SEZ6L: variants seen among roughly 807,000 people sequenced by gnomAD.
SEZ6L encodes seizure 6-like protein.
A neutral mutation model predicts 106.2 loss-of-function variants in SEZ6L; 37 were observed. That is an observed-to-expected ratio of 0.35 (90% CI 0.27 to 0.46). The LOEUF (loss-of-function observed/expected upper bound fraction) is 0.46. Among genes scored for constraint, SEZ6L ranks in the 20% least tolerant of loss-of-function variants. The pLI, the probability that SEZ6L is intolerant of heterozygous loss-of-function variation, is 1.00. For missense variants in SEZ6L, 1,172 were observed against 1,332.8 expected, an observed-to-expected ratio of 0.88 and a Z score of 1.88; for synonymous variants, 541 against 570.4, an observed-to-expected ratio of 0.95 and a Z score of 0.73.
At chr22:26,238,637 G>C (rs886664451) in intron 1 of SEZ6L, among the ~76,000 whole-genome samples, 5 of 152,122 alleles carry the variant, frequency 3.3e-5, no homozygotes, top group African/African-American at 7.2e-5. Flanking sequence ...TGTTTTTTGG[G>C]CACCAACAAT....
chr22:26,251,652 T>C (rs551419380), intron 1 of SEZ6L, among the ~76,000 whole-genome samples: 10 of 152,304 alleles, frequency 6.6e-5, no homozygotes, highest in African/African-American at 2.2e-4. Flanking sequence ...GGGGGATCCT[T>C]GCTAAGGCAG....
intron 16 of SEZ6L, 69 bp from the exon 17 acceptor site, chr22:26,380,197 C>T (rs2084370073): frequency 3.4e-6 from 5 of 1,464,926 alleles, no homozygotes; most frequent in Middle Eastern, 1.7e-4. Flanking sequence ...GTGCAAAGAA[C>T]TGCATCCCCC....
At chr22:26,325,552 C>T (rs2082280773) in intron 9 of SEZ6L, among the ~76,000 whole-genome samples, 1 of 152,184 alleles carries the variant, frequency 6.6e-6, no homozygotes. Context: ...TCTTTCCCTA[C>T]ATGATGCTTT....
intron 9 of SEZ6L, among the ~76,000 whole-genome samples, chr22:26,332,775 T>A (rs113647849): frequency 0.01 from 1,570 of 152,334 alleles, 24 homozygotes; most frequent in Middle Eastern, 0.034. Flanking sequence ...TGTGTTTTTT[T>A]ATTCATGTTT....
intron 1 of SEZ6L, among the ~76,000 whole-genome samples, chr22:26,214,938 A>C (rs2078258087): frequency 6.9e-6 from 1 of 145,786 alleles, no homozygotes; most frequent in Non-Finnish European, 1.5e-5. Context: ...GGCATATGAC[A>C]AAAAAAAATG....
rs143157459 is a variant in SEZ6L at position 26,246,572 on chromosome 22, G to GAA, written c.95-45825_95-45824dup. On this transcript the variant is annotated intron_variant, in intron 1 of 16. Transcript: ENST00000248933. ...TTTTTTTACTCACCAATGCCCAAAG[G>GAA]AAAAAAAAAAGGTATTTCCAAGTAC... Among the ~76,000 whole-genome samples, 30 of 144,198 alleles carry GAA rather than the reference G, an allele frequency of 2.1e-4. 1 individual carries two copies. Among genetic ancestry groups the GAA allele is most frequent in the East Asian group, 1.6e-3 (8 of 4,998 alleles). 94.6% of individuals were successfully genotyped at this position (144,198 alleles called of 152,430 possible). A position where few individuals can be genotyped will look rare whatever the true frequency, so the allele number is the denominator to read the frequency against.
chr22:26,261,464 C>A (rs1377641630), intron 1 of SEZ6L, among the ~76,000 whole-genome samples: 1 of 152,180 alleles, frequency 6.6e-6, no homozygotes, highest in Non-Finnish European at 1.5e-5. Context: ...TGCCAATCAT[C>A]CCAGCGCCAT....
At chr22:26,309,116 T>G (rs1343766447) in intron 6 of SEZ6L, among the ~76,000 whole-genome samples, 1 of 152,234 alleles carries the variant, frequency 6.6e-6, no homozygotes, top group Non-Finnish European at 1.5e-5. Context: ...ACTATTTTTA[T>G]GAGTCAGTAA....
At chr22:26,269,192 G>T (rs2080282789) in intron 1 of SEZ6L, among the ~76,000 whole-genome samples, 1 of 152,208 alleles carries the variant, frequency 6.6e-6, no homozygotes, top group Non-Finnish European at 1.5e-5. Context: ...GTTCTTAAAT[G>T]TTAATAGGCT....
intron 1 of SEZ6L, among the ~76,000 whole-genome samples, chr22:26,178,636 A>G (rs1028137020): frequency 4.6e-5 from 7 of 152,164 alleles, no homozygotes; most frequent in African/African-American, 1.7e-4. Flanking sequence ...GGTCTCACCT[A>G]TTCCCAGTTT....
intron 1 of SEZ6L, among the ~76,000 whole-genome samples, chr22:26,255,896 T>TA (rs1178282681): frequency 6.6e-6 from 1 of 152,230 alleles, no homozygotes; most frequent in Admixed American, 6.5e-5. Flanking sequence ...TCATCCCATT[T>TA]AAAATCATTG....
At chr22:26,244,163 A>AAAAGAAAGAAAGAAAGAAAG (rs147675419) in intron 1 of SEZ6L, among the ~76,000 whole-genome samples, 2,378 of 149,558 alleles carry the variant, frequency 0.016, 29 homozygotes, top group East Asian at 0.031. Context: ...ACCCTATCTC[A>AAAAGAAAGAAAGAAAGAAAG]AAAGAAAGAA....
intron 1 of SEZ6L, among the ~76,000 whole-genome samples, chr22:26,261,226 T>C (rs9620600): frequency 0.12 from 18,935 of 152,248 alleles, 1,308 homozygotes; most frequent in Middle Eastern, 0.21. Flanking sequence ...GAGCAGAAGC[T>C]CTTTAGTTTA....
chr22:26,372,940 T>C (rs1159525613), intron 13 of SEZ6L, among the ~76,000 whole-genome samples: 1 of 152,198 alleles, frequency 6.6e-6, no homozygotes, highest in Non-Finnish European at 1.5e-5. Context: ...TCATTCGTGC[T>C]TTGCCCCACA....
At position 26,205,008 on chromosome 22, in the gene SEZ6L, A is replaced by G. The variant is rs5761401; in HGVS notation, c.94+35245A>G. Among the ~76,000 whole-genome samples, 500 of 152,354 alleles carry G rather than the reference A, an allele frequency of 3.3e-3. 12 individuals are homozygous for G. The South Asian group carries it at 0.064, about 19-fold the overall frequency. On this transcript the variant is annotated intron_variant, in intron 1 of 16. Coordinates refer to ENST00000248933, the MANE Select transcript of SEZ6L (RefSeq NM_021115.5). Reference sequence around the variant, plus strand: ...CATGTGAACAGACCCATGTCAGGTAATCAAGAGATAACTGAACCACCAGAT... The same window carrying G: ...CATGTGAACAGACCCATGTCAGGTAGTCAAGAGATAACTGAACCACCAGAT...
intron 1 of SEZ6L, among the ~76,000 whole-genome samples, chr22:26,244,943 G>A (rs1362766375): frequency 2.0e-5 from 3 of 152,190 alleles, no homozygotes; most frequent in African/African-American, 4.8e-5. Flanking sequence ...CAGCAATGGG[G>A]AGCCACGGAG....
At chr22:26,304,535 C>T (rs987970394) in intron 5 of SEZ6L, among the ~76,000 whole-genome samples, 3 of 152,006 alleles carry the variant, frequency 2.0e-5, no homozygotes, top group Admixed American at 6.5e-5. Context: ...AATAAGAATA[C>T]CTTCTCGCTT....
chr22:26,305,455 C>T (rs1304693675), intron 5 of SEZ6L, among the ~76,000 whole-genome samples: 5 of 152,224 alleles, frequency 3.3e-5, no homozygotes, highest in Admixed American at 3.3e-4. Flanking sequence ...TCACCCTTAC[C>T]ATCTCCAGAT....
intron 1 of SEZ6L, among the ~76,000 whole-genome samples, chr22:26,270,868 G>GCAGC (rs2080342737): frequency 6.6e-6 from 1 of 152,124 alleles, no homozygotes; most frequent in Non-Finnish European, 1.5e-5. Flanking sequence ...TCATAAGTGG[G>GCAGC]CAGCCACCTT....
Sources: gnomAD v4.1 joint callset for allele counts (sites outside exome capture counted in the v4.1 genomes callset) on GRCh38, gnomAD v4.1.1 for gene constraint, MANE v1.5 for transcripts, NCBI Gene and HGNC (gene_info 2026-07-23, HGNC 2026-07-21) for gene names.